The following CLDN10 variants were observed in gnomAD, a reference collection of about 807,000 sequenced individuals.
CLDN10 encodes the protein claudin 10, also known as claudin-10.
Under a neutral mutation model 22.9 loss-of-function variants are expected in CLDN10, and 15 were observed. That is an observed-to-expected ratio of 0.65 (90% CI 0.44 to 1.01). The LOEUF is 1.01. CLDN10 is among the 50% of genes least tolerant of loss of function. The probability of loss-of-function intolerance (pLI) is 0.00; values close to 1 mark genes in which losing one functional copy is unlikely to be tolerated. For missense variants in CLDN10, 247 were observed against 287.8 expected, an observed-to-expected ratio of 0.86 and a Z score of 1.03; for synonymous variants, 114 against 111.4, an observed-to-expected ratio of 1.02 and a Z score of -0.15.
chr13:95,489,389 T>G lies in CLDN10; in HGVS notation c.214+55342T>G, dbSNP rs73563307. The stretch of plus-strand genomic sequence containing the variant: ...CTGCACCCATGCCAACGTCTACTGG[T>G]TTTTTTTTTATTTTTTGATAATGGC... On this transcript the variant is annotated intron_variant, in intron 1 of 4. Coordinates refer to the CLDN10 transcript ENST00000376873. Among the ~76,000 whole-genome samples, 1,444 of 149,630 alleles carry G rather than the reference T, an allele frequency of 9.7e-3. 29 individuals are homozygous for G. The highest frequency in any genetic ancestry group is 0.034 in the African/African-American group (1,373 of 40,722).
intron 1 of CLDN10, among the ~76,000 whole-genome samples, chr13:95,475,066 G>A (rs530221470): frequency 6.0e-4 from 91 of 152,208 alleles, no homozygotes; most frequent in Non-Finnish European, 1.1e-3. Context: ...CTGCTAAGGA[G>A]TCAAGGACAC....
chr13:95,572,116 T>C (rs1411661454), intron 3 of CLDN10, among the ~76,000 whole-genome samples: 6 of 152,134 alleles, frequency 3.9e-5, no homozygotes, highest in African/African-American at 1.4e-4. Flanking sequence ...CTGATTTTAA[T>C]TGGTATCCTC....
At chr13:95,460,624 G>A (rs374681562) in intron 1 of CLDN10, among the ~76,000 whole-genome samples, 13 of 152,228 alleles carry the variant, frequency 8.5e-5, no homozygotes, top group African/African-American at 2.2e-4. Flanking sequence ...GATCTTTGCC[G>A]TGACATGTGA....
intron 1 of CLDN10, among the ~76,000 whole-genome samples, chr13:95,461,217 A>T (rs2042533859): frequency 6.6e-6 from 1 of 152,186 alleles, no homozygotes; most frequent in Non-Finnish European, 1.5e-5. Flanking sequence ...AAGTGCTGGG[A>T]TTACAGATGT....
In CLDN10 at chr13:95,517,002, CCTTCCTTCCTTCCTTCCTT is replaced by C. The variant is rs1306407646; in HGVS notation, c.215-43128_215-43110del. On this transcript the variant is annotated intron_variant, in intron 1 of 4. Coordinates refer to the CLDN10 transcript ENST00000376873. ...TCCTTCCTTCCTTCCTTCCTTCCTT[CCTTCCTTCCTTCCTTCCTT>C]CCTCCCTCCCTCTCTCCCTTTTTTC... Among the ~76,000 whole-genome samples the C allele has an allele frequency of 4.1e-4, 60 of 147,682 alleles. 1 individual carries two copies. The highest frequency in any genetic ancestry group is 1.1e-3 in the Admixed American group (16 of 14,558).
chr13:95,503,810 A>G (rs536824997), intron 1 of CLDN10, among the ~76,000 whole-genome samples: 1 of 152,288 alleles, frequency 6.6e-6, no homozygotes, highest in African/African-American at 2.4e-5. Flanking sequence ...CACAAAGTAG[A>G]ATGGTGGCTG....
At position 95,494,435 on chromosome 13, in the gene CLDN10, T is replaced by C. The variant is rs1412435035; in HGVS notation, c.214+60388T>C. On this transcript the variant is annotated intron_variant, in intron 1 of 4. Coordinates refer to the CLDN10 transcript ENST00000376873. ...GTAACACGCATAAAACCTGAATACA[T>C]CCCAATTCTAAGGGATAATTATTGA... Among the ~76,000 whole-genome samples the C allele has an allele frequency of 3.3e-5, 5 of 152,186 alleles. No individual in the cohort carries two copies. The South Asian group carries it at 8.3e-4, about 25-fold the overall frequency.
chr13:95,470,716 G>T (rs1401392584), intron 1 of CLDN10, among the ~76,000 whole-genome samples: 1 of 152,102 alleles, frequency 6.6e-6, no homozygotes, highest in Non-Finnish European at 1.5e-5. Context: ...TGCACGTCCT[G>T]CCTATTTCTG....
chr13:95,477,996 CA>C (rs1267036277), intron 1 of CLDN10, among the ~76,000 whole-genome samples: 1 of 152,156 alleles, frequency 6.6e-6, no homozygotes, highest in African/African-American at 2.4e-5. Context: ...AAATTGGAAT[CA>C]CCTGTTGTGT....
intron 1 of CLDN10, among the ~76,000 whole-genome samples, chr13:95,524,348 TG>T (rs1477206710): frequency 6.6e-6 from 1 of 152,230 alleles, no homozygotes; most frequent in East Asian, 1.9e-4. Context: ...CACTTTAAAG[TG>T]TTATTAGTCA....
At chr13:95,557,825 A>G (rs1427378471) in intron 1 of CLDN10, among the ~76,000 whole-genome samples, 1 of 152,188 alleles carries the variant, frequency 6.6e-6, no homozygotes, top group East Asian at 1.9e-4. Flanking sequence ...CATAAAGTTC[A>G]AAGACTACTG....
intron 1 of CLDN10, among the ~76,000 whole-genome samples, chr13:95,526,787 CAAATAAAT>C (rs71113945): frequency 0.1 from 15,031 of 149,786 alleles, 925 homozygotes; most frequent in Middle Eastern, 0.13. Flanking sequence ...AATTCCATCT[CAAATAAAT>C]AAATAAATAA....
chr13:95,493,344 A>G (rs1427613184), intron 1 of CLDN10, among the ~76,000 whole-genome samples: 1 of 151,916 alleles, frequency 6.6e-6, no homozygotes, highest in Non-Finnish European at 1.5e-5. Context: ...AATCATGTTT[A>G]AGTATACAGT....
intron 3 of CLDN10, among the ~76,000 whole-genome samples, chr13:95,566,770 C>A (rs2043792910): frequency 2.0e-5 from 3 of 152,124 alleles, no homozygotes; most frequent in African/African-American, 7.2e-5. Flanking sequence ...ACATTTAATT[C>A]TTTAATCCAT....
chr13:95,548,534 A>T (rs1009494210), upstream of CLDN10, among the ~76,000 whole-genome samples: 1 of 152,222 alleles, frequency 6.6e-6, no homozygotes, highest in African/African-American at 2.4e-5. Flanking sequence ...AATGGTGAGA[A>T]TAACTGTTCA....
Position 95,470,890 on chromosome 13 carries a change from G to A in CLDN10, c.214+36843G>A, listed in dbSNP as rs1272821794. ...GGAAAGTTATTCATCCACAGCCGACGTGCTGGTTCACGTTAACGCCAGCCA... is the reference window on the plus strand; with the variant it reads ...GGAAAGTTATTCATCCACAGCCGACATGCTGGTTCACGTTAACGCCAGCCA... On this transcript the variant is annotated intron_variant, in intron 1 of 4. Coordinates refer to the CLDN10 transcript ENST00000376873. Among the ~76,000 whole-genome samples the A allele has an allele frequency of 2.0e-5, 3 of 152,230 alleles. No homozygotes were observed. The South Asian group carries it at 6.2e-4, about 32-fold the overall frequency.
intron 1 of CLDN10, among the ~76,000 whole-genome samples, chr13:95,457,659 G>A (rs764379707): frequency 4.6e-5 from 7 of 151,932 alleles, no homozygotes; most frequent in Non-Finnish European, 8.8e-5. Context: ...CCTCAGTTTC[G>A]CTGGGGATGC....
intron 1 of CLDN10, among the ~76,000 whole-genome samples, chr13:95,507,590 G>A (rs1039990269): frequency 1.3e-5 from 2 of 151,148 alleles, no homozygotes; most frequent in African/African-American, 2.4e-5. Context: ...AGTTCAAGAC[G>A]CCCCTGGGCA....
At chr13:95,501,896 A>G (rs1253552593) in intron 1 of CLDN10, among the ~76,000 whole-genome samples, 1 of 152,094 alleles carries the variant, frequency 6.6e-6, no homozygotes. Context: ...TTATTGAATA[A>G]TTGTTAATAT....
Sources: gnomAD v4.1 joint callset for allele counts (sites outside exome capture counted in the v4.1 genomes callset) on GRCh38, gnomAD v4.1.1 for gene constraint, MANE v1.5 for transcripts, NCBI Gene and HGNC (gene_info 2026-07-23, HGNC 2026-07-21) for gene names.